ANKRD30A: variants seen among roughly 807,000 people sequenced by gnomAD.
The protein encoded by ANKRD30A is ankyrin repeat domain 30A.
In ANKRD30A, 170 loss-of-function variants were observed where a neutral mutation model predicts 166.3. That is an observed-to-expected ratio of 1.02 (90% CI 0.90 to 1.16). ANKRD30A has a LOEUF of 1.16. Ranked by LOEUF, ANKRD30A falls within the 50% of genes most tolerant of loss-of-function variation. The pLI, the probability that ANKRD30A is intolerant of heterozygous loss-of-function variation, is 0.00. For missense variants in ANKRD30A, 1,630 were observed against 1,518.0 expected (o/e 1.07, Z -1.23); for synonymous variants, 564 against 508.9 (o/e 1.11, Z -1.46).
chr10:37,126,813 G>C (rs1208407835), intron 1 of ANKRD30A, among the ~76,000 whole-genome samples: 1 of 151,964 alleles, frequency 6.6e-6, no homozygotes, highest in South Asian at 2.1e-4. Flanking sequence ...TTTGGGCTGC[G>C]GAGGCAGGTG....
chr10:37,190,562 G>T (rs942371886), intron 25 of ANKRD30A, among the ~76,000 whole-genome samples: 2 of 151,812 alleles, frequency 1.3e-5, no homozygotes, highest in Non-Finnish European at 2.9e-5. Flanking sequence ...AAGAGCAGAA[G>T]TCTAGTGATT....
chr10:37,128,480 A>G (rs1193605338), intron 1 of ANKRD30A, among the ~76,000 whole-genome samples: 1 of 151,864 alleles, frequency 6.6e-6, no homozygotes, highest in African/African-American at 2.4e-5. Context: ...TTAGACACAT[A>G]TTTTTATTAT....
chr10:37,207,128 A>G (rs934244813), intron 31 of ANKRD30A, among the ~76,000 whole-genome samples: 8 of 152,294 alleles, frequency 5.3e-5, no homozygotes, highest in Non-Finnish European at 8.8e-5. Flanking sequence ...CACCATGTGT[A>G]TGGAAAACAA....
At chr10:37,184,245 A>G (rs1468197730) in intron 24 of ANKRD30A, among the ~76,000 whole-genome samples, 10 of 142,950 alleles carry the variant, frequency 7.0e-5, no homozygotes, top group African/African-American at 2.5e-4. Flanking sequence ...TAGATTTAAG[A>G]TACTATCACT....
intron 11 of ANKRD30A, among the ~76,000 whole-genome samples, chr10:37,151,324 A>G (rs1218823633): frequency 6.6e-6 from 1 of 152,072 alleles, no homozygotes; most frequent in Non-Finnish European, 1.5e-5. Context: ...ATTTTATCCT[A>G]TAACATGTGG....
At chr10:37,206,132 G>C (rs964050648) in intron 31 of ANKRD30A, among the ~76,000 whole-genome samples, 1 of 152,094 alleles carries the variant, frequency 6.6e-6, no homozygotes, top group Non-Finnish European at 1.5e-5. Context: ...TGAAGGGAAA[G>C]AATCAAGACC....
At chr10:37,158,308 A>C (rs1838539458) in intron 13 of ANKRD30A, 84 bp from the exon 14 acceptor site, 1 of 1,512,326 alleles carries the variant, frequency 6.6e-7, no homozygotes, top group South Asian at 1.2e-5. Flanking sequence ...ATGAGGATTC[A>C]TCTTCATGTT....
intron 6 of ANKRD30A, among the ~76,000 whole-genome samples, chr10:37,137,973 C>T (rs1295461298): frequency 2.6e-5 from 4 of 152,180 alleles, no homozygotes; most frequent in African/African-American, 7.2e-5. Flanking sequence ...CTGGGAGGCA[C>T]CCCCAAGTAG....
At chr10:37,230,098 T>C (rs1843352728) in intron 34 of ANKRD30A, among the ~76,000 whole-genome samples, 1 of 151,992 alleles carries the variant, frequency 6.6e-6, no homozygotes, top group African/African-American at 2.4e-5. Context: ...ATGGAGGTGA[T>C]AGTTAAAGAT....
chr10:37,205,836 T>C (rs1294713719), intron 31 of ANKRD30A, among the ~76,000 whole-genome samples: 1 of 152,202 alleles, frequency 6.6e-6, no homozygotes, highest in Non-Finnish European at 1.5e-5. Flanking sequence ...TCATGCAATT[T>C]TAATAAATTC....
chr10:37,146,342 A>T (rs76120479), intron 8 of ANKRD30A, among the ~76,000 whole-genome samples: 1 of 113,014 alleles, frequency 8.8e-6, no homozygotes, highest in Non-Finnish European at 2.0e-5. Context: ...TTCTGAGTGC[A>T]CTTTATATGA....
the ANKRD30A span, among the ~76,000 whole-genome samples, chr10:37,257,545 A>T: frequency 6.6e-6 from 1 of 152,110 alleles, no homozygotes; most frequent in South Asian, 2.1e-4. Flanking sequence ...GAGTGCTGTA[A>T]GTTTCCCTCT....
chr10:37,202,009 G>A (rs1267257116), intron 31 of ANKRD30A, among the ~76,000 whole-genome samples: 1 of 152,048 alleles, frequency 6.6e-6, no homozygotes, highest in Non-Finnish European at 1.5e-5. Flanking sequence ...TTGGGATTCT[G>A]CATTTTTAAA....
chr10:37,232,697 T>TATAGAGAGAGAGAGAGAGAGAGAGAGAG (rs1273812991), downstream of ANKRD30A: 1 of 78,400 alleles, frequency 1.3e-5, no homozygotes, highest in African/African-American at 4.9e-5. Flanking sequence ...TATATATAAA[T>TATAGAGAGAGAGAGAGAGAGAGAGAGAG]AGAGAGAGAG....
chr10:37,171,343 C>T (rs1471823115), intron 21 of ANKRD30A, among the ~76,000 whole-genome samples: 1 of 145,480 alleles, frequency 6.9e-6, no homozygotes. Context: ...GGAGTATTTA[C>T]TGCTTCATTC....
At chr10:37,198,287 C>T (rs1032888643) in intron 29 of ANKRD30A, among the ~76,000 whole-genome samples, 1 of 151,946 alleles carries the variant, frequency 6.6e-6, no homozygotes, top group Admixed American at 6.6e-5. Flanking sequence ...TAATGTTCGG[C>T]AACATTCGTT....
intron 29 of ANKRD30A, among the ~76,000 whole-genome samples, chr10:37,198,302 A>T (rs532646130): frequency 6.6e-6 from 1 of 152,120 alleles, no homozygotes; most frequent in South Asian, 2.1e-4. Context: ...TTCGTTTTTG[A>T]TCAGCATTAT....
chr10:37,232,773 A>G (rs541667859), downstream of ANKRD30A, among the ~76,000 whole-genome samples: 3 of 142,972 alleles, frequency 2.1e-5, no homozygotes, highest in South Asian at 7.1e-4. Context: ...CATCCTAGCT[A>G]CTTAGGAGGC....
intron 24 of ANKRD30A, among the ~76,000 whole-genome samples, chr10:37,178,841 T>C (rs1465772825): frequency 6.6e-6 from 1 of 150,804 alleles, no homozygotes; most frequent in Non-Finnish European, 1.5e-5. Context: ...TAGATGATTT[T>C]GGATTTTCTA....
Sources: gnomAD v4.1 joint callset for allele counts (sites outside exome capture counted in the v4.1 genomes callset) on GRCh38, gnomAD v4.1.1 for gene constraint, MANE v1.5 for transcripts, NCBI Gene and HGNC (gene_info 2026-07-23, HGNC 2026-07-21) for gene names.